DNAH8: variants seen among roughly 807,000 people sequenced by gnomAD.
The protein encoded by DNAH8 is axonemal beta dynein heavy chain 8.
In DNAH8, 382 loss-of-function variants were observed where a neutral mutation model predicts 562.1. That is an observed-to-expected ratio of 0.68 (90% confidence interval 0.63 to 0.74). The LOEUF (loss-of-function observed/expected upper bound fraction) is 0.74, where lower values mean the gene tolerates loss of function less well. Among genes scored for constraint, DNAH8 ranks in the 30% least tolerant of loss-of-function variants. The pLI is 0.00. For synonymous variants in DNAH8, 1,881 were observed against 1,919.4 expected, an observed-to-expected ratio of 0.98 and a Z score of 0.52; for missense variants, 5,203 against 5,620.4, an observed-to-expected ratio of 0.93 and a Z score of 2.37.
At chr6:38,831,629 G>T (rs1773846082) in intron 30 of DNAH8, among the ~76,000 whole-genome samples, 1 of 152,010 alleles carries the variant, frequency 6.6e-6, no homozygotes, top group Non-Finnish European at 1.5e-5. Context: ...AATAGCAGGG[G>T]CCCTGGAACT....
chr6:38,848,605 G>A, intron 36 of DNAH8, 43 bp from the exon 37 acceptor site: 1 of 1,520,878 alleles, frequency 6.6e-7, no homozygotes, highest in East Asian at 2.3e-5. Context: ...ACTATTTTCT[G>A]AATCTTCTTT....
At chr6:38,716,308 C>T (rs1404463215) in intron 1 of DNAH8, among the ~76,000 whole-genome samples, 1 of 151,846 alleles carries the variant, frequency 6.6e-6, no homozygotes, top group East Asian at 1.9e-4. Context: ...AAAAAAAATG[C>T]CTCTCCCTCC....
intron 57 of DNAH8, among the ~76,000 whole-genome samples, chr6:38,890,309 C>T (rs148922222): frequency 4.9e-4 from 74 of 152,258 alleles, no homozygotes; most frequent in African/African-American, 1.6e-3. Context: ...GGCCAGGTTG[C>T]TTGGGTTCAC....
At chr6:38,999,956 G>T (rs935546960) in intron 88 of DNAH8, among the ~76,000 whole-genome samples, 4 of 125,172 alleles carry the variant, frequency 3.2e-5, no homozygotes, top group African/African-American at 1.1e-4. Flanking sequence ...CACATTCATT[G>T]AAAGGTGCCA....
chr6:38,898,573 G>A (rs1452792663), intron 61 of DNAH8, among the ~76,000 whole-genome samples, 193 bp downstream of exon 61: 1 of 152,150 alleles, frequency 6.6e-6, no homozygotes, highest in African/African-American at 2.4e-5. Context: ...CCATCTACAT[G>A]GCAGCAAATG....
At chr6:38,735,610 A>G (rs1016563061) in intron 5 of DNAH8, among the ~76,000 whole-genome samples, 3 of 151,978 alleles carry the variant, frequency 2.0e-5, no homozygotes, top group Non-Finnish European at 4.4e-5. Context: ...TCTTTCTTCA[A>G]CTTATCCATG....
In DNAH8 at chr6:38,906,342, A is replaced by G. The variant is rs1428544397; in HGVS notation, c.9283A>G (p.Thr3095Ala). Residue 3095 changes from threonine (T) to alanine (A), a missense_variant, in exon 63 of 93, where the codon ACT becomes GCT. By Grantham distance (58) the Thr-to-Ala change is moderately conservative. This residue lies in a region of DNAH8 where 977 missense variants were observed against 1,061.8 expected (regional missense o/e 0.92). Transcript: ENST00000327475. Reference sequence around the variant, plus strand: ...TGGAAAAGGCATCACTTTCATCTTTACTGACAGTGAAATAAAAGATGAGGC... The same window carrying G: ...TGGAAAAGGCATCACTTTCATCTTTGCTGACAGTGAAATAAAAGATGAGGC... ...ADGKGITFIF[T>A]DSEIKDEAFL... 2.5e-6 allele frequency: 4 copies of G among 1,609,544 alleles called. No individual in the cohort carries two copies. The Admixed American group carries it at 5.0e-5, about 20-fold the overall frequency.
intron 70 of DNAH8, among the ~76,000 whole-genome samples, chr6:38,920,811 G>T (rs746405183): frequency 1.1e-4 from 16 of 152,164 alleles, no homozygotes; most frequent in Non-Finnish European, 2.2e-4. Context: ...CACAGGTTAT[G>T]TCTGAGAAAT....
intron 15 of DNAH8, 145 bp from the exon 16 acceptor site, chr6:38,781,109 C>A: frequency 1.3e-6 from 1 of 749,430 alleles, no homozygotes; most frequent in South Asian, 2.6e-5. Context: ...CTCAGGTTAC[C>A]TTGGATGTGC....
chr6:38,855,569 GTATAA>G (rs1431469432), intron 41 of DNAH8, among the ~76,000 whole-genome samples: 2 of 152,050 alleles, frequency 1.3e-5, no homozygotes, highest in African/African-American at 4.8e-5. Context: ...GTTTTGATGT[GTATAA>G]TATGTCTTGT....
At chr6:39,003,227 TTC>T (rs996021149) in intron 88 of DNAH8, among the ~76,000 whole-genome samples, 2 of 152,124 alleles carry the variant, frequency 1.3e-5, no homozygotes, top group Non-Finnish European at 2.9e-5. Context: ...AAGGATGCAA[TTC>T]TCTCTTTCCA....
intron 45 of DNAH8, among the ~76,000 whole-genome samples, 173 bp downstream of exon 45, chr6:38,864,233 A>T (rs1776869181): frequency 7.1e-6 from 1 of 140,004 alleles, no homozygotes; most frequent in African/African-American, 2.5e-5. Flanking sequence ...TAAAATAGTA[A>T]TTTTTTTCAA....
In DNAH8 at chr6:39,008,801, C is replaced by G. The variant is rs778070184; in HGVS notation, c.13215-13C>G. ...TCCCTGTAACATTCTGAACAGCTCACTCTTTTTACTAGGTATCAGAGTAAC... is the reference window on the plus strand; with the variant it reads ...TCCCTGTAACATTCTGAACAGCTCAGTCTTTTTACTAGGTATCAGAGTAAC... On this transcript the variant is annotated splice_polypyrimidine_tract_variant and intron_variant, in intron 88 of 92. Transcript: ENST00000327475. The G allele has an allele frequency of 1.3e-6, 2 of 1,567,986 alleles. No homozygotes were observed. The highest frequency in any genetic ancestry group is 1.7e-6 in the Non-Finnish European group (2 of 1,143,770).
chr6:38,892,454 TA>T (rs1779401310), intron 58 of DNAH8, among the ~76,000 whole-genome samples: 1 of 152,172 alleles, frequency 6.6e-6, no homozygotes, highest in Non-Finnish European at 1.5e-5. Flanking sequence ...TCCTGCTTCT[TA>T]GGTTAAAATT....
chr6:38,973,838 C>A, intron 84 of DNAH8, 25 bp downstream of exon 84: 1 of 1,561,658 alleles, frequency 6.4e-7, no homozygotes, highest in Non-Finnish European at 8.7e-7. Flanking sequence ...GTCTTTTCAT[C>A]GAGAGTCATA....
At chr6:39,020,021 G>A (rs1481858510) in intron 91 of DNAH8, among the ~76,000 whole-genome samples, 1 of 152,214 alleles carries the variant, frequency 6.6e-6, no homozygotes, top group African/African-American at 2.4e-5. Flanking sequence ...GGAAAGGTTT[G>A]CGAGAGAGGG....
chr6:38,957,669 C>G (rs1762331959), intron 82 of DNAH8, among the ~76,000 whole-genome samples: 1 of 151,696 alleles, frequency 6.6e-6, no homozygotes, highest in Non-Finnish European at 1.5e-5. Flanking sequence ...AAATCAGTAA[C>G]AGTAGGAACT....
At chr6:38,805,261 G>T (rs1219257462) in intron 22 of DNAH8, among the ~76,000 whole-genome samples, 1 of 152,198 alleles carries the variant, frequency 6.6e-6, no homozygotes, top group Non-Finnish European at 1.5e-5. Context: ...TATTTACAGA[G>T]TGTATTTCTT....
At chr6:38,760,126 CAT>C (rs1247117824) in intron 10 of DNAH8, among the ~76,000 whole-genome samples, 1 of 152,208 alleles carries the variant, frequency 6.6e-6, no homozygotes, top group Non-Finnish European at 1.5e-5. Flanking sequence ...GTGATTCCCA[CAT>C]CTTTTTCCTT....
Sources: gnomAD v4.1 joint callset for allele counts (sites outside exome capture counted in the v4.1 genomes callset) on GRCh38, gnomAD v4.1.1 for gene constraint, gnomAD v4.1.1 regional missense constraint, MANE v1.5 for transcripts, NCBI Gene and HGNC (gene_info 2026-07-23, HGNC 2026-07-21) for gene names.